The following SLAIN1 variants were observed in gnomAD, a reference collection of about 807,000 sequenced individuals.
SLAIN1 encodes the protein SLAIN motif-containing protein 1.
Under a neutral mutation model 55.4 loss-of-function variants are expected in SLAIN1, and 17 were observed. That is an observed-to-expected ratio of 0.31 (90% CI 0.21 to 0.46). SLAIN1 has a LOEUF of 0.46. SLAIN1 is among the 20% of genes least tolerant of loss of function. SLAIN1 has a pLI of 1.00. For missense variants in SLAIN1, 682 were observed against 785.1 expected (o/e 0.87, Z 1.57); for synonymous variants, 348 against 337.4 (o/e 1.03, Z -0.35).
rs1839686406 is a variant in SLAIN1 at position 77,728,831 on chromosome 13, C to T, written c.766+9160C>T. Among the ~76,000 whole-genome samples, 3 of 152,150 alleles carry T rather than the reference C, an allele frequency of 2.0e-5. No individual in the cohort carries two copies. In the South Asian group the frequency reaches 6.2e-4, roughly 31 times the overall value. ...TGCTTGGCCCAAGATGTTATCTCCA[C>T]TAGCTCATATTTCTAGTCTCGAGAT... On this transcript the variant is annotated intron_variant, in intron 2 of 6. Transcript: ENST00000418532.
In SLAIN1 at chr13:77,713,082, C is replaced by T. The variant is rs144143583; in HGVS notation, c.627-6450C>T. ...ACTCAAGATAGATTAAAGATTTAAA[C>T]GTAAGACCTAAAACCGTAAAAACCC... On this transcript the variant is annotated intron_variant, in intron 1 of 6. Coordinates refer to ENST00000418532, the MANE Select transcript of SLAIN1 (RefSeq NM_001242868.2). Among the ~76,000 whole-genome samples, 1,079 of 152,180 alleles carry T rather than the reference C, an allele frequency of 7.1e-3. 12 individuals are homozygous for T. Among genetic ancestry groups the T allele is most frequent in the African/African-American group, 0.025 (1,025 of 41,522 alleles).
At chr13:77,703,303 C>T (rs2091049241) in intron 1 of SLAIN1, among the ~76,000 whole-genome samples, 1 of 152,070 alleles carries the variant, frequency 6.6e-6, no homozygotes, top group Admixed American at 6.6e-5. Flanking sequence ...ACCAAGACCC[C>T]AGACAGCTGG....
intron 2 of SLAIN1, among the ~76,000 whole-genome samples, chr13:77,732,358 C>G (rs575948164): frequency 6.6e-6 from 1 of 152,192 alleles, no homozygotes; most frequent in Admixed American, 6.5e-5. Context: ...ATTATTTAGC[C>G]TATTTCTTCA....
Position 77,719,097 on chromosome 13 carries a change from A to G in SLAIN1, c.627-435A>G, listed in dbSNP as rs186306695. ...GGGTGTTTAGACTTATTTTTAAAAA[A>G]TACACATAAGATTTGCCTTGTTTGT... is the stretch of plus-strand genomic sequence containing the variant. On this transcript the variant is annotated intron_variant, in intron 1 of 6. Coordinates refer to ENST00000418532, the MANE Select transcript of SLAIN1 (RefSeq NM_001242868.2). Among the ~76,000 whole-genome samples, 314 of 152,276 alleles carry G rather than the reference A, an allele frequency of 2.1e-3. 2 individuals carry two copies. The highest frequency in any genetic ancestry group is 1.2e-3 in the Non-Finnish European group (79 of 68,000).
chr13:77,748,137 T>G (rs1873959070), intron 4 of SLAIN1, among the ~76,000 whole-genome samples: 3 of 152,088 alleles, frequency 2.0e-5, no homozygotes, highest in African/African-American at 7.2e-5. Context: ...CTGTATTTAG[T>G]TTTTACCCTT....
At chr13:77,717,028 C>G (rs896945068) in intron 1 of SLAIN1, among the ~76,000 whole-genome samples, 1 of 152,036 alleles carries the variant, frequency 6.6e-6, no homozygotes, top group African/African-American at 2.4e-5. Context: ...ATGTTTCTTT[C>G]TGTTTCCGAT....
intron 1 of SLAIN1, among the ~76,000 whole-genome samples, chr13:77,718,742 C>T (rs190890851): frequency 6.6e-6 from 1 of 152,056 alleles, no homozygotes; most frequent in Non-Finnish European, 1.5e-5. Context: ...CACCCTCCCC[C>T]CTTTTTTAGT....
rs752256358 is a variant in SLAIN1 at position 77,744,386 on chromosome 13, A to G, written c.870A>G (p.Leu290=). 1.2e-6 allele frequency: 2 copies of G among 1,612,786 alleles called. No homozygotes were observed. The highest frequency in any genetic ancestry group is 2.2e-5 in the South Asian group (2 of 91,066). Reference sequence around the variant, plus strand: ...ATTCTATCTCCATGGGATATAAATTACAGGACCTCACTGATGTTCAGATCA... The same window carrying G: ...ATTCTATCTCCATGGGATATAAATTGCAGGACCTCACTGATGTTCAGATCA... The part of the protein sequence containing the change: ...EDDSISMGYK[L]QDLTDVQIMA... The change falls in exon 3 of 7, where the codon TTA becomes TTG. Residue 290 remains leucine (L), a synonymous_variant. Transcript: ENST00000418532.
intron 5 of SLAIN1, among the ~76,000 whole-genome samples, chr13:77,760,352 G>A (rs1874917267): frequency 6.6e-6 from 1 of 152,114 alleles, no homozygotes; most frequent in African/African-American, 2.4e-5. Context: ...ATAGATAAAT[G>A]ACATAATGAA....
Position 77,698,065 on chromosome 13 carries a change from C to G in SLAIN1, c.152C>G (p.Ala51Gly). The G allele has an allele frequency of 7.5e-7, 1 of 1,338,098 alleles. No individual in the cohort carries two copies. The highest frequency in any genetic ancestry group is 1.5e-5 in the African/African-American group (1 of 65,184). The allele number at this position is 1,338,098 out of a possible 1,614,324, so 82.9% of individuals were successfully genotyped here. Residue 51 changes from alanine to glycine, a missense_variant, in exon 1 of 7, where the codon GCC becomes GGC. Physicochemically the swap from Ala to Gly is moderately conservative, Grantham distance 60 (BLOSUM62 0). This residue lies in a region of SLAIN1 where 401 missense variants were observed against 417.3 expected (regional missense o/e 0.96). Transcript: ENST00000418532. This position sits in a 1 kb window ranked among gnomAD's most constrained non-coding sequence, Gnocchi z 4.1. ...AACGAGCAGCTGCGGAGTCGAGCGGCCAGCGCGGCCGCCGCCCCGCACCTG... is the reference window on the plus strand; with the variant it reads ...AACGAGCAGCTGCGGAGTCGAGCGGGCAGCGCGGCCGCCGCCCCGCACCTG... ...KQNEQLRSRA[A>G]SAAAAPHLLL...
chr13:77,736,755 A>G (rs533653390), intron 2 of SLAIN1, among the ~76,000 whole-genome samples: 58 of 149,278 alleles, frequency 3.9e-4, no homozygotes, highest in Middle Eastern at 3.5e-3. Context: ...GCCACTATTA[A>G]CTATTAGCTC....
At chr13:77,740,751 T>TG (rs1165149184) in intron 2 of SLAIN1, among the ~76,000 whole-genome samples, 6 of 152,044 alleles carry the variant, frequency 3.9e-5, no homozygotes, top group African/African-American at 1.4e-4. Flanking sequence ...AAATTGCTCT[T>TG]TTTTACAAGT....
In SLAIN1 at chr13:77,737,262, A is replaced by T. The variant is rs567996022; in HGVS notation, c.767-7021A>T. Among the ~76,000 whole-genome samples, 7 of 151,758 alleles carry T rather than the reference A, an allele frequency of 4.6e-5. 1 individual carries two copies. The highest frequency in any genetic ancestry group is 1.7e-4 in the African/African-American group (7 of 41,412). On this transcript the variant is annotated intron_variant, in intron 2 of 6. Coordinates refer to ENST00000418532, the MANE Select transcript of SLAIN1 (RefSeq NM_001242868.2). ...AATGTGGCTCATTGAACCTATTCTC[A>T]CCAAATTTTCTGCTTGTGCTTTTGT...
intron 2 of SLAIN1, among the ~76,000 whole-genome samples, chr13:77,735,740 G>A (rs955834104): frequency 2.0e-5 from 3 of 152,018 alleles, no homozygotes; most frequent in Non-Finnish European, 4.4e-5. Flanking sequence ...GAAACCCTAT[G>A]GCCAGCAAAA....
At chr13:77,730,840 T>C (rs1367204484) in intron 2 of SLAIN1, among the ~76,000 whole-genome samples, 1 of 152,172 alleles carries the variant, frequency 6.6e-6, no homozygotes, top group East Asian at 1.9e-4. Context: ...ATAAATGAAG[T>C]TGGATCAGTA....
At chr13:77,741,330 A>G (rs1347113566) in intron 2 of SLAIN1, 2 of 987,484 alleles carry the variant, frequency 2.0e-6, no homozygotes, top group Non-Finnish European at 2.4e-6. Context: ...TTGCATTATT[A>G]ACCCCTAGTT....
At position 77,724,897 on chromosome 13, in the gene SLAIN1, C is replaced by T. The variant is rs376994906; in HGVS notation, c.766+5226C>T. On this transcript the variant is annotated intron_variant, in intron 2 of 6. Coordinates refer to ENST00000418532, the MANE Select transcript of SLAIN1 (RefSeq NM_001242868.2). ...GACTTAATTTCTCCCTTGGGCAGTC[C>T]GCATTTTTGAGTAACAGATATTACT... 2.0e-4 allele frequency among the ~76,000 whole-genome samples: 30 copies of T among 152,066 alleles called. No individual in the cohort carries two copies. In the East Asian group the frequency reaches 3.7e-3, roughly 19 times the overall value.
At chr13:77,705,905 A>C (rs2154409310) in intron 1 of SLAIN1, among the ~76,000 whole-genome samples, 1 of 152,236 alleles carries the variant, frequency 6.6e-6, no homozygotes, top group Admixed American at 6.5e-5. Context: ...ACTAGGCTCA[A>C]AGCTATCCTG....
At chr13:77,735,711 G>A (rs1873084468) in intron 2 of SLAIN1, among the ~76,000 whole-genome samples, 1 of 152,078 alleles carries the variant, frequency 6.6e-6, no homozygotes, top group South Asian at 2.1e-4. Context: ...CATAATGTCA[G>A]CATTGAGCTG....
Sources: gnomAD v4.1 joint callset for allele counts (sites outside exome capture counted in the v4.1 genomes callset) on GRCh38, gnomAD v4.1.1 for gene constraint, gnomAD v4.1.1 regional missense constraint, Gnocchi (gnomAD v3.1) non-coding constraint, MANE v1.5 for transcripts, NCBI Gene and HGNC (gene_info 2026-07-23, HGNC 2026-07-21) for gene names.